The following SLCO5A1 variants were observed in gnomAD, a reference collection of about 807,000 sequenced individuals.
The protein encoded by SLCO5A1 is organic anion transporter polypeptide-related protein 4.
Under a neutral mutation model 65.1 loss-of-function variants are expected in SLCO5A1, and 39 were observed. That is an observed-to-expected ratio of 0.60 (90% CI 0.46 to 0.78). The LOEUF (loss-of-function observed/expected upper bound fraction) is 0.78, where lower values mean the gene tolerates loss of function less well. Ranked by LOEUF, SLCO5A1 falls within the 30% of genes least tolerant of loss-of-function variation. The probability of loss-of-function intolerance (pLI) is 0.00; values close to 1 mark genes in which losing one functional copy is unlikely to be tolerated. For missense variants in SLCO5A1, 1,029 were observed against 1,069.4 expected (o/e 0.96, Z 0.53); for synonymous variants, 438 against 415.7 (o/e 1.05, Z -0.65).
chr8:69,819,145 A>T (rs936575854), intron 2 of SLCO5A1, among the ~76,000 whole-genome samples: 1 of 152,004 alleles, frequency 6.6e-6, no homozygotes, highest in Non-Finnish European at 1.5e-5. Context: ...CTCCTTTCTT[A>T]CCTTCTCTCT....
chr8:69,744,364 T>G (rs560820049), intron 4 of SLCO5A1, among the ~76,000 whole-genome samples: 16 of 152,306 alleles, frequency 1.1e-4, no homozygotes, highest in Admixed American at 8.5e-4. Context: ...TGGCATGGTC[T>G]TCTTCATCTC....
chr8:69,825,652 G>T (rs921024751), intron 2 of SLCO5A1, among the ~76,000 whole-genome samples: 5 of 151,802 alleles, frequency 3.3e-5, no homozygotes, highest in Admixed American at 1.3e-4. Flanking sequence ...ATGGAAGAAC[G>T]TTCCATGCTC....
At chr8:69,781,727 G>A (rs77833654) in intron 2 of SLCO5A1, among the ~76,000 whole-genome samples, 2 of 151,106 alleles carry the variant, frequency 1.3e-5, no homozygotes, top group Admixed American at 6.6e-5. Context: ...GCGCGATCTC[G>A]GCTCATCACA....
chr8:69,832,939 C>T lies in SLCO5A1; in HGVS notation c.-266G>A. ...TACTGCGATGAGCCCTACTCGGCGT[C>T]CCTCTCCGGGCGGTAGCTTGAGGCA... On this transcript the variant is annotated 5_prime_UTR_variant, in exon 2 of 10. Coordinates refer to ENST00000260126, the MANE Select transcript of SLCO5A1 (RefSeq NM_030958.3). The surrounding 1 kb of genome is among the most constrained non-coding windows in gnomAD (Gnocchi z 4.5). 2.2e-6 allele frequency: 1 copy of T among 446,698 alleles called. No individual in the cohort carries two copies. The highest frequency in any genetic ancestry group is 3.9e-6 in the Non-Finnish European group (1 of 257,806). 27.7% of individuals were successfully genotyped at this position (446,698 alleles called of 1,614,324 possible).
At chr8:69,682,533 T>C (rs557537550) in intron 6 of SLCO5A1, among the ~76,000 whole-genome samples, 190 bp from the exon 7 acceptor site, 1 of 152,346 alleles carries the variant, frequency 6.6e-6, no homozygotes, top group South Asian at 2.1e-4. Context: ...GAAAAATGTT[T>C]CAACTTACTG....
At chr8:69,822,754 C>A (rs189468087) in intron 2 of SLCO5A1, among the ~76,000 whole-genome samples, 1 of 152,204 alleles carries the variant, frequency 6.6e-6, no homozygotes, top group Non-Finnish European at 1.5e-5. Context: ...GTAGTAATCC[C>A]CAGGTGGAAA....
chr8:69,704,067 T>C (rs1318307668), intron 6 of SLCO5A1, among the ~76,000 whole-genome samples: 2 of 151,060 alleles, frequency 1.3e-5, no homozygotes, highest in African/African-American at 4.9e-5. Context: ...GGCTTTTTTT[T>C]ACTTTTTACT....
At chr8:69,782,812 A>G (rs1317129376) in intron 2 of SLCO5A1, among the ~76,000 whole-genome samples, 1 of 152,128 alleles carries the variant, frequency 6.6e-6, no homozygotes, top group African/African-American at 2.4e-5. Flanking sequence ...CCCATCTAAT[A>G]CCAGGCATTT....
chr8:69,702,481 CCA>C (rs1038907828), intron 6 of SLCO5A1, among the ~76,000 whole-genome samples: 4 of 150,650 alleles, frequency 2.7e-5, no homozygotes, highest in African/African-American at 9.9e-5. Context: ...TATCAAGAAG[CCA>C]CATACCCGGT....
chr8:69,683,878 G>T (rs1431514344), intron 6 of SLCO5A1, among the ~76,000 whole-genome samples: 2 of 152,246 alleles, frequency 1.3e-5, no homozygotes, highest in African/African-American at 4.8e-5. Context: ...TATCTTTAAT[G>T]ACTATGCTGG....
chr8:69,829,471 C>T (rs1821072477), intron 2 of SLCO5A1, among the ~76,000 whole-genome samples: 1 of 152,134 alleles, frequency 6.6e-6, no homozygotes, highest in Non-Finnish European at 1.5e-5. Context: ...ATTAGTTCCT[C>T]ATTTAAAAAA....
intron 2 of SLCO5A1, among the ~76,000 whole-genome samples, chr8:69,768,720 C>T (rs905391430): frequency 2.6e-5 from 4 of 152,108 alleles, no homozygotes; most frequent in Non-Finnish European, 4.4e-5. Context: ...AGGCACATGA[C>T]CTCATCTCAC....
chr8:69,738,127 C>A lies in SLCO5A1; in HGVS notation c.1336G>T (p.Ala446Ser). 6.2e-7 allele frequency: 1 copy of A among 1,613,946 alleles called. No homozygotes were observed. Among genetic ancestry groups the A allele is most frequent in the Non-Finnish European group, 8.5e-7 (1 of 1,179,894 alleles). ...AAGGTAATGAAAGCAGTTACAATGG[C>A]ACTCTCAGCTGTGTATGACAAACTC... ...FVSLSYTAES[A>S]IVTAFITFIP... Residue 446 changes from alanine (A) to serine (S), a missense_variant, in exon 5 of 10, where the codon GCC becomes TCC. By Grantham distance (99) the Ala-to-Ser change is moderately conservative. This residue lies in a region of SLCO5A1 where 647 missense variants were observed against 647.5 expected (regional missense o/e 1.00). Coordinates refer to ENST00000260126, the MANE Select transcript of SLCO5A1 (RefSeq NM_030958.3).
chr8:69,671,222 G>A lies in SLCO5A1; in HGVS notation c.*1647C>T, dbSNP rs531628902. Reference sequence around the variant, plus strand: ...GACCAATGTCATTCCTAGGAAGAGAGGGAAACAGCCTTATACCCAGGAGTA... The same window carrying A: ...GACCAATGTCATTCCTAGGAAGAGAAGGAAACAGCCTTATACCCAGGAGTA... On this transcript the variant is annotated 3_prime_UTR_variant, in exon 10 of 10. Transcript: ENST00000260126. The A allele has an allele frequency of 6.6e-6, 1 of 152,390 alleles. No homozygotes were observed. Among genetic ancestry groups the A allele is most frequent in the East Asian group, 1.9e-4 (1 of 5,186 alleles). 9.4% of individuals were successfully genotyped at this position (152,390 alleles called of 1,614,324 possible). A position where few individuals can be genotyped will look rare whatever the true frequency, so the allele number is the denominator to read the frequency against.
chr8:69,741,299 T>C (rs1304280680), intron 4 of SLCO5A1, among the ~76,000 whole-genome samples: 1 of 152,312 alleles, frequency 6.6e-6, no homozygotes, highest in East Asian at 1.9e-4. Flanking sequence ...ATAAGTTCAA[T>C]GATAATGAAT....
At chr8:69,812,662 G>A (rs1036148622) in intron 2 of SLCO5A1, among the ~76,000 whole-genome samples, 14 of 152,118 alleles carry the variant, frequency 9.2e-5, no homozygotes, top group African/African-American at 3.4e-4. Flanking sequence ...CCAAAAAACT[G>A]AAGCCAGCAA....
intron 3 of SLCO5A1, among the ~76,000 whole-genome samples, chr8:69,760,460 T>A (rs887871451): frequency 6.6e-6 from 1 of 152,092 alleles, no homozygotes; most frequent in East Asian, 1.9e-4. Flanking sequence ...CCTACCAACC[T>A]CGGAGTTATG....
intron 4 of SLCO5A1, among the ~76,000 whole-genome samples, chr8:69,746,218 G>C (rs1351286394): frequency 6.6e-6 from 1 of 151,908 alleles, no homozygotes; most frequent in Non-Finnish European, 1.5e-5. Flanking sequence ...AAAGATATTT[G>C]TGAAAAAGAA....
chr8:69,717,699 T>A (rs1308004340), intron 5 of SLCO5A1, among the ~76,000 whole-genome samples: 2 of 152,232 alleles, frequency 1.3e-5, no homozygotes, highest in Non-Finnish European at 2.9e-5. Context: ...AATATTGACA[T>A]CCTAATAATA....
Sources: gnomAD v4.1 joint callset for allele counts (sites outside exome capture counted in the v4.1 genomes callset) on GRCh38, gnomAD v4.1.1 for gene constraint, gnomAD v4.1.1 regional missense constraint, Gnocchi (gnomAD v3.1) non-coding constraint, MANE v1.5 for transcripts, NCBI Gene and HGNC (gene_info 2026-07-23, HGNC 2026-07-21) for gene names.